ACTR3C: variants seen among roughly 807,000 people sequenced by gnomAD.
ACTR3C encodes the protein actin related protein 3C.
ACTR3C carries 18 observed loss-of-function variants against 26.3 expected under a neutral mutation model. The observed-to-expected ratio is 0.68, with a 90% CI of 0.47 to 1.01. ACTR3C has a LOEUF of 1.01. ACTR3C is among the 50% of genes least tolerant of loss of function. The pLI is 0.00. For synonymous variants in ACTR3C, 55 were observed against 94.5 expected, an observed-to-expected ratio of 0.58 and a Z score of 2.42; for missense variants, 184 against 250.7, an observed-to-expected ratio of 0.73 and a Z score of 1.80.
At chr7:150,142,102 G>A in the ACTR3C span, among the ~76,000 whole-genome samples, 4 of 152,170 alleles carry the variant, frequency 2.6e-5, no homozygotes, top group Non-Finnish European at 5.9e-5. Context: ...TCAGGCTGCA[G>A]ACTCAACAGG....
chr7:149,883,945 A>T, the ACTR3C span, among the ~76,000 whole-genome samples: 1 of 151,316 alleles, frequency 6.6e-6, no homozygotes, highest in South Asian at 2.1e-4. Context: ...TCCCTGAGAG[A>T]TCTAGCACAT....
the ACTR3C span, among the ~76,000 whole-genome samples, chr7:149,931,351 C>T: frequency 6.6e-6 from 1 of 152,188 alleles, no homozygotes; most frequent in South Asian, 2.1e-4. Context: ...TCGGTTTCAT[C>T]CTCCCCTCTT....
chr7:149,893,253 CGT>C, the ACTR3C span, among the ~76,000 whole-genome samples: 6 of 152,118 alleles, frequency 3.9e-5, no homozygotes, highest in South Asian at 2.1e-4. Flanking sequence ...GTTCTGTACA[CGT>C]GTTTGATGCT....
chr7:150,223,989 C>A, the ACTR3C span, among the ~76,000 whole-genome samples: 1 of 152,198 alleles, frequency 6.6e-6, no homozygotes, highest in Admixed American at 6.5e-5. Flanking sequence ...TTTGTTGCCA[C>A]TGGTCAGAGG....
chr7:150,213,962 T>G, the ACTR3C span, among the ~76,000 whole-genome samples: 41 of 144,666 alleles, frequency 2.8e-4, no homozygotes, highest in East Asian at 7.8e-3. Flanking sequence ...TGAAAAGGGA[T>G]TCCAGAATTA....
chr7:150,191,604 G>A, the ACTR3C span, among the ~76,000 whole-genome samples: 4 of 152,134 alleles, frequency 2.6e-5, no homozygotes, highest in Non-Finnish European at 5.9e-5. Flanking sequence ...TCTAGAACAT[G>A]TTTTGTGGAT....
chr7:150,058,998 C>G, the ACTR3C span, among the ~76,000 whole-genome samples: 5 of 152,276 alleles, frequency 3.3e-5, no homozygotes, highest in Non-Finnish European at 7.4e-5. Flanking sequence ...GCCCTGAGAG[C>G]ATGCAGGTAC....
chr7:150,107,691 G>A, the ACTR3C span, among the ~76,000 whole-genome samples: 6 of 151,782 alleles, frequency 4.0e-5, no homozygotes, highest in East Asian at 3.9e-4. Context: ...CAAGTATACC[G>A]GGGAAGGAGG....
chr7:150,279,426 A>T (rs1012442769), intron 6 of ACTR3C, among the ~76,000 whole-genome samples: 2 of 152,154 alleles, frequency 1.3e-5, no homozygotes, highest in African/African-American at 4.8e-5. Context: ...TTACAGAAAA[A>T]TCAATCCCTT....
chr7:150,246,644 C>T (rs1353385434), downstream of ACTR3C: 3 of 151,928 alleles, frequency 2.0e-5, no homozygotes, highest in Non-Finnish European at 4.4e-5. Context: ...AGTAGAACAC[C>T]AACGATTATT....
downstream of ACTR3C, among the ~76,000 whole-genome samples, chr7:150,243,628 A>G (rs1323275632): frequency 6.6e-6 from 1 of 152,172 alleles, no homozygotes; most frequent in East Asian, 1.9e-4. Flanking sequence ...TTCCTTCTAT[A>G]AAGTGGTGTA....
chr7:150,281,382 A>T (rs1298195237), intron 6 of ACTR3C, among the ~76,000 whole-genome samples: 7 of 150,678 alleles, frequency 4.6e-5, no homozygotes. Flanking sequence ...TCTCCACCGC[A>T]CTAAGGAGCA....
At chr7:149,989,235 T>C in the ACTR3C span, among the ~76,000 whole-genome samples, 2 of 152,266 alleles carry the variant, frequency 1.3e-5, no homozygotes, top group African/African-American at 2.4e-5. Flanking sequence ...TATACACATA[T>C]GGAATGCTTA....
chr7:150,250,169 T>C (rs1262517560), intron 6 of ACTR3C, among the ~76,000 whole-genome samples: 3 of 150,934 alleles, frequency 2.0e-5, no homozygotes, highest in East Asian at 1.9e-4. Flanking sequence ...ATTTAGTTAT[T>C]AGAATAAATG....
In ACTR3C at chr7:150,289,592, G is replaced by A; in HGVS notation, c.155C>T (p.Ala52Val). 6.4e-7 allele frequency: 1 copy of A among 1,566,468 alleles called. No individual in the cohort carries two copies. Among genetic ancestry groups the A allele is most frequent in the African/African-American group, 1.4e-5 (1 of 73,202 alleles). ...GCAGCTTCCAATTACATAACCTTCT[G>A]CCTAGGGAAGAAGAGGAGGCAGAAC... Reference protein sequence around the residue: ...GDGVTHVIPVAEGYVIGSCIK... With the variant: ...GDGVTHVIPVVEGYVIGSCIK... The change falls in exon 4 of 8, where the codon GCA (alanine) becomes GTA (valine). Residue 52 changes from alanine (A) to valine (V), a missense_variant and splice_region_variant. By Grantham distance (64) the Ala-to-Val change is moderately conservative (BLOSUM62 0). Coordinates refer to ENST00000683684, the MANE Select transcript of ACTR3C (RefSeq NM_001164458.2).
At chr7:150,099,588 G>T in the ACTR3C span, among the ~76,000 whole-genome samples, 1 of 151,670 alleles carries the variant, frequency 6.6e-6, no homozygotes, top group African/African-American at 2.4e-5. Flanking sequence ...AGGGGATGTG[G>T]AAAGAGGTGA....
the ACTR3C span, among the ~76,000 whole-genome samples, chr7:150,070,981 A>G: frequency 6.9e-6 from 1 of 145,768 alleles, no homozygotes; most frequent in Non-Finnish European, 1.5e-5. Context: ...TTTTTAGTAG[A>G]GACAGGGTTT....
At position 150,284,838 on chromosome 7, in the gene ACTR3C, T is replaced by C; in HGVS notation, c.479A>G (p.Asn160Ser). ...TGAGATGGACTCCATAGAGTCTGGGTTGGCAAACTGAATTGTATATCAATA... is the reference window on the plus strand; with the variant it reads ...TGAGATGGACTCCATAGAGTCTGGGCTGGCAAACTGAATTGTATATCAATA... ...PEIFFHPEFANPDSMESISDV... is the reference protein window; with the variant it reads ...PEIFFHPEFASPDSMESISDV... Residue 160 changes from asparagine (N) to serine (S), a missense_variant, in exon 6 of 8, where the codon AAC becomes AGC. By Grantham distance (46) the Asn-to-Ser change is conservative. Coordinates refer to ENST00000683684, the MANE Select transcript of ACTR3C (RefSeq NM_001164458.2). 3 of 1,609,476 alleles carry C rather than the reference T, an allele frequency of 1.9e-6. No homozygotes were observed. The highest frequency in any genetic ancestry group is 2.5e-6 in the Non-Finnish European group (3 of 1,178,346).
chr7:149,973,646 A>G, the ACTR3C span, among the ~76,000 whole-genome samples: 1 of 152,020 alleles, frequency 6.6e-6, no homozygotes, highest in African/African-American at 2.4e-5. Context: ...CAAACACAAA[A>G]GTCTTTGAGG....
Sources: allele counts gnomAD v4.1 joint callset (sites outside exome capture counted in the v4.1 genomes callset), GRCh38; gene constraint gnomAD v4.1.1; transcripts MANE v1.5; gene names NCBI Gene and HGNC (gene_info 2026-07-23, HGNC 2026-07-21).